Variants in NRXN3 observed in about 807,000 individuals in gnomAD.
NRXN3 encodes neurexin 3.
NRXN3 carries 32 observed loss-of-function variants against 137.6 expected under a neutral mutation model. The observed-to-expected ratio is 0.23, with a 90% CI of 0.18 to 0.31. The LOEUF (loss-of-function observed/expected upper bound fraction) is 0.31, where lower values mean the gene tolerates loss of function less well. NRXN3 is among the 10% of genes least tolerant of loss of function. The probability of loss-of-function intolerance (pLI) is 1.00; values close to 1 mark genes in which losing one functional copy is unlikely to be tolerated. For missense variants in NRXN3, 1,574 were observed against 2,062.5 expected, an observed-to-expected ratio of 0.76 and a Z score of 4.59; for synonymous variants, 798 against 784.5, an observed-to-expected ratio of 1.02 and a Z score of -0.29.
chr14:78,938,930 C>T (rs2099347558), intron 10 of NRXN3, among the ~76,000 whole-genome samples: 1 of 150,796 alleles, frequency 6.6e-6, no homozygotes, highest in South Asian at 2.1e-4. Flanking sequence ...CTGCAGGCTC[C>T]GCCCCCTGGG....
chr14:79,477,447 G>A (rs544957938), intron 16 of NRXN3, among the ~76,000 whole-genome samples: 184 of 152,266 alleles, frequency 1.2e-3, no homozygotes, highest in African/African-American at 4.1e-3. Context: ...GTAGCTCTGT[G>A]AATATTTATA....
intron 10 of NRXN3, among the ~76,000 whole-genome samples, chr14:78,950,497 G>A (rs2099384916): frequency 6.6e-6 from 1 of 152,128 alleles, no homozygotes; most frequent in African/African-American, 2.4e-5. Context: ...GCTATTGAAT[G>A]GGCTGCCAGT....
chr14:79,481,147 GA>G (rs982046488), intron 16 of NRXN3, among the ~76,000 whole-genome samples: 1 of 152,142 alleles, frequency 6.6e-6, no homozygotes, highest in Non-Finnish European at 1.5e-5. Flanking sequence ...TCTAGTGGGG[GA>G]GTCCTTAATG....
At chr14:78,322,801 T>G (rs911353178) in intron 4 of NRXN3, among the ~76,000 whole-genome samples, 1 of 152,122 alleles carries the variant, frequency 6.6e-6, no homozygotes, top group Non-Finnish European at 1.5e-5. Context: ...TTCTCCCATT[T>G]GTAGCCATAT....
chr14:78,207,173 T>A (rs1040724153), intron 1 of NRXN3, among the ~76,000 whole-genome samples: 1 of 152,146 alleles, frequency 6.6e-6, no homozygotes, highest in Non-Finnish European at 1.5e-5. Flanking sequence ...CTCCCCACAT[T>A]GGACTTTCTA....
At chr14:79,440,565 C>T (rs1451348611) in intron 15 of NRXN3, among the ~76,000 whole-genome samples, 1 of 152,082 alleles carries the variant, frequency 6.6e-6, no homozygotes, top group Non-Finnish European at 1.5e-5. Context: ...AATTGATCCC[C>T]ATAGTATATT....
chr14:79,808,818 A>G (rs2099220882), intron 20 of NRXN3, among the ~76,000 whole-genome samples: 1 of 152,150 alleles, frequency 6.6e-6, no homozygotes, highest in South Asian at 2.1e-4. Flanking sequence ...TCTTCAAATC[A>G]CATTGGATTT....
intron 4 of NRXN3, among the ~76,000 whole-genome samples, chr14:78,533,099 CTTTTT>C (rs71452898): frequency 3.3e-5 from 4 of 120,062 alleles, no homozygotes; most frequent in African/African-American, 1.3e-4. Flanking sequence ...TCCCTCCAGC[CTTTTT>C]TTTTTTTTTT....
rs573698848 is a variant in NRXN3, at chr14:79,364,601, T to A, written c.3263-102620T>A. On this transcript the variant is annotated intron_variant, in intron 15 of 20. Transcript: ENST00000335750. Reference sequence around the variant, plus strand: ...AACCAAACAAAAGAAAAATTAATAATTAGGCAGTCTCTTTGCAAGTACATA... The same window carrying A: ...AACCAAACAAAAGAAAAATTAATAAATAGGCAGTCTCTTTGCAAGTACATA... 2.5e-4 allele frequency among the ~76,000 whole-genome samples: 38 copies of A among 152,294 alleles called. No homozygotes were observed. In the East Asian group the frequency reaches 3.1e-3, roughly 12 times the overall value.
chr14:79,269,131 G>T (rs1301588405), intron 15 of NRXN3, among the ~76,000 whole-genome samples: 1 of 151,992 alleles, frequency 6.6e-6, no homozygotes, highest in Non-Finnish European at 1.5e-5. Flanking sequence ...CTCACTGCAA[G>T]CTCCGCCTCC....
chr14:78,342,841 TGTTTGCTCATATGCTTAAAAACAGGGG>T (rs988871247), intron 4 of NRXN3, among the ~76,000 whole-genome samples: 2 of 152,334 alleles, frequency 1.3e-5, no homozygotes, highest in African/African-American at 4.8e-5. Flanking sequence ...TCACTGAGCC[TGTTTGCTCATATGCTTAAAAACAGGGG>T]GTGGTTAATA....
At chr14:79,596,661 G>T (rs992999008) in intron 16 of NRXN3, among the ~76,000 whole-genome samples, 4 of 152,066 alleles carry the variant, frequency 2.6e-5, no homozygotes, top group African/African-American at 4.8e-5. Flanking sequence ...GTTTCTGTGT[G>T]GGGGAGAAAT....
At chr14:79,261,996 C>T (rs2077677503) in intron 15 of NRXN3, among the ~76,000 whole-genome samples, 1 of 151,870 alleles carries the variant, frequency 6.6e-6, no homozygotes, top group Non-Finnish European at 1.5e-5. Flanking sequence ...GTCCTTGGAG[C>T]CCAGATTATA....
intron 4 of NRXN3, among the ~76,000 whole-genome samples, chr14:78,626,077 A>C (rs1162773965): frequency 6.6e-6 from 1 of 152,220 alleles, no homozygotes; most frequent in African/African-American, 2.4e-5. Flanking sequence ...ATTATTAAAC[A>C]GTGCAGCCCT....
chr14:79,214,536 T>C lies in NRXN3; in HGVS notation c.3262+226395T>C, dbSNP rs193008169. Among the ~76,000 whole-genome samples, 5 of 152,340 alleles carry C rather than the reference T, an allele frequency of 3.3e-5. No homozygotes were observed. The East Asian group carries it at 9.6e-4, about 29-fold the overall frequency. ...GATAGATAGGCCAATTACTCTGATC[T>C]GGTCACTCTATATTATATGTATCAG... On this transcript the variant is annotated intron_variant, in intron 15 of 20. Coordinates refer to ENST00000335750, the MANE Select transcript of NRXN3 (RefSeq NM_001330195.2).
At chr14:79,707,054 G>A (rs8011870) in intron 19 of NRXN3, among the ~76,000 whole-genome samples, 41,654 of 151,928 alleles carry the variant, frequency 0.27, 6,567 homozygotes, top group East Asian at 0.46. Flanking sequence ...TATTGTGTGA[G>A]CACCATTTAT....
chr14:78,510,574 A>G (rs12588218), intron 4 of NRXN3, among the ~76,000 whole-genome samples: 56,447 of 152,088 alleles, frequency 0.37, 10,745 homozygotes, highest in East Asian at 0.47. Flanking sequence ...AATAACTCAC[A>G]CATGTAAATT....
chr14:79,330,803 C>G (rs1413798712), intron 15 of NRXN3, among the ~76,000 whole-genome samples: 2 of 152,210 alleles, frequency 1.3e-5, no homozygotes, highest in Non-Finnish European at 2.9e-5. Context: ...ATTTCACTTT[C>G]CTGTTTAACC....
chr14:78,244,158 G>C (rs1344871258), intron 2 of NRXN3, among the ~76,000 whole-genome samples: 1 of 152,166 alleles, frequency 6.6e-6, no homozygotes, highest in Non-Finnish European at 1.5e-5. Flanking sequence ...GGCTAGGCAA[G>C]GTGGCTCACA....
Sources: allele counts gnomAD v4.1 joint callset (sites outside exome capture counted in the v4.1 genomes callset), GRCh38; gene constraint gnomAD v4.1.1; transcripts MANE v1.5; gene names NCBI Gene and HGNC (gene_info 2026-07-23, HGNC 2026-07-21).